Variants in PCDHA4 observed in about 807,000 individuals in gnomAD.
PCDHA4 encodes protocadherin alpha-4.
Under a neutral mutation model 61.4 loss-of-function variants are expected in PCDHA4, and 49 were observed. The ratio of observed to expected loss-of-function variants is 0.80; its 90% CI spans 0.63 to 1.01. The LOEUF (loss-of-function observed/expected upper bound fraction) is 1.01. Among genes scored for constraint, PCDHA4 ranks in the 50% least tolerant of loss-of-function variants. The pLI is 0.00. For synonymous variants in PCDHA4, 590 were observed against 550.3 expected, an observed-to-expected ratio of 1.07 and a Z score of -1.01; for missense variants, 1,254 against 1,235.8, an observed-to-expected ratio of 1.01 and a Z score of -0.22.
intron 1 of PCDHA4, among the ~76,000 whole-genome samples, chr5:140,827,126 A>G (rs1769190900): frequency 6.6e-6 from 1 of 152,226 alleles, no homozygotes; most frequent in Admixed American, 6.5e-5. Flanking sequence ...TGACAATTAG[A>G]AACATAGAAA....
chr5:140,953,837 C>T (rs1585533226), intron 1 of PCDHA4, among the ~76,000 whole-genome samples: 1 of 151,614 alleles, frequency 6.6e-6, no homozygotes, highest in African/African-American at 2.4e-5. Flanking sequence ...GGTTTGTTAC[C>T]CAGGTAAACA....
At chr5:140,990,107 A>C (rs1359747896) in intron 3 of PCDHA4, among the ~76,000 whole-genome samples, 1 of 152,044 alleles carries the variant, frequency 6.6e-6, no homozygotes, top group East Asian at 1.9e-4. Context: ...TGAAACAGGA[A>C]ATTGAGAGCT....
intron 3 of PCDHA4, among the ~76,000 whole-genome samples, chr5:141,004,289 CAG>C (rs1383902638): frequency 1.3e-5 from 2 of 152,130 alleles, no homozygotes; most frequent in Non-Finnish European, 2.9e-5. Context: ...GCTGAGCTCT[CAG>C]AGATGTTTGT....
chr5:140,834,708 A>G lies in PCDHA4; in HGVS notation c.2385+25136A>G. ...GGAGTGCAGCATCCACCTGGAGGTG[A>G]TCGTGGAAAGGCCGCTGCAGGTTTT... On this transcript the variant is annotated intron_variant, in intron 1 of 3. Coordinates refer to ENST00000530339, the MANE Select transcript of PCDHA4 (RefSeq NM_018907.4). The G allele has an allele frequency of 2.5e-6, 4 of 1,614,234 alleles. No individual in the cohort carries two copies. In the South Asian group the frequency reaches 3.3e-5, roughly 13 times the overall value.
Position 140,907,813 on chromosome 5 carries a change from G to A in PCDHA4, c.2386-71136G>A, listed in dbSNP as rs192249919. On this transcript the variant is annotated intron_variant, in intron 1 of 3. Coordinates refer to ENST00000530339, the MANE Select transcript of PCDHA4 (RefSeq NM_018907.4). ...AGAGGCTAAGTGGTGTCCACAGAACGAGTCATCCTATCCACTTGTTTATTA... is the reference window on the plus strand; with the variant it reads ...AGAGGCTAAGTGGTGTCCACAGAACAAGTCATCCTATCCACTTGTTTATTA... Among the ~76,000 whole-genome samples the A allele has an allele frequency of 2.7e-3, 406 of 152,332 alleles. 1 individual carries two copies. The highest frequency in any genetic ancestry group is 9.3e-3 in the African/African-American group (387 of 41,574).
At chr5:140,846,129 T>C (rs1780211983) in intron 1 of PCDHA4, among the ~76,000 whole-genome samples, 1 of 149,730 alleles carries the variant, frequency 6.7e-6, no homozygotes, top group South Asian at 2.1e-4. Context: ...GATAGTTGTA[T>C]GTTTCCCATA....
chr5:140,850,762 A>T, intron 1 of PCDHA4: 1 of 1,598,020 alleles, frequency 6.3e-7, no homozygotes, highest in South Asian at 1.1e-5. Context: ...CAGAGGAGGC[A>T]GAGGGTGTGC....
intron 1 of PCDHA4, among the ~76,000 whole-genome samples, chr5:140,840,453 A>C (rs1554137802): frequency 1.3e-5 from 2 of 152,010 alleles, no homozygotes; most frequent in African/African-American, 4.8e-5. Flanking sequence ...GAAACGTTAA[A>C]TAAAAAGTTG....
At chr5:140,837,994 CT>C (rs2150281652) in intron 1 of PCDHA4, among the ~76,000 whole-genome samples, 1 of 150,612 alleles carries the variant, frequency 6.6e-6, no homozygotes, top group Non-Finnish European at 1.5e-5. Flanking sequence ...TTCATCTTTC[CT>C]TTTTTTTAAA....
intron 1 of PCDHA4, among the ~76,000 whole-genome samples, chr5:140,907,796 A>AG (rs2073616997): frequency 6.6e-6 from 1 of 152,214 alleles, no homozygotes; most frequent in African/African-American, 2.4e-5. Flanking sequence ...AAAGAGGCTA[A>AG]GTGGTGTCCA....
At position 140,969,313 on chromosome 5, in the gene PCDHA4, G is replaced by A. The variant is rs2096317901; in HGVS notation, c.2386-9636G>A. 3.7e-6 allele frequency: 6 copies of A among 1,614,160 alleles called. No homozygotes were observed. In the East Asian group the frequency reaches 8.9e-5, roughly 24 times the overall value. ...GGAACCTGATTATTCTCAAAAATGAGGCTGTTTCTCAAAATGAGGTGAGAC... is the reference window on the plus strand; with the variant it reads ...GGAACCTGATTATTCTCAAAAATGAAGCTGTTTCTCAAAATGAGGTGAGAC... On this transcript the variant is annotated intron_variant, in intron 1 of 3. Coordinates refer to ENST00000530339, the MANE Select transcript of PCDHA4 (RefSeq NM_018907.4).
rs782516685 is a variant in PCDHA4, at chr5:140,883,846, G to T, written c.2385+74274G>T. ...ACGCGCTGCAGCCGTTGGACCACGAGGAGCTGGAGCTGTTGCAGTTCCAGG... is the reference window on the plus strand; with the variant it reads ...ACGCGCTGCAGCCGTTGGACCACGATGAGCTGGAGCTGTTGCAGTTCCAGG... On this transcript the variant is annotated intron_variant, in intron 1 of 3. Coordinates refer to ENST00000530339, the MANE Select transcript of PCDHA4 (RefSeq NM_018907.4). 7 of 1,612,790 alleles carry T rather than the reference G, an allele frequency of 4.3e-6. No individual in the cohort carries two copies. In the East Asian group the frequency reaches 1.3e-4, roughly 31 times the overall value.
intron 1 of PCDHA4, chr5:140,871,181 T>C (rs782405877): frequency 6.2e-7 from 1 of 1,613,552 alleles, no homozygotes; most frequent in Admixed American, 1.7e-5. Flanking sequence ...GCTGCGCTGG[T>C]GGATGTCAAC....
chr5:140,967,495 C>G, intron 1 of PCDHA4: 1 of 1,613,306 alleles, frequency 6.2e-7, no homozygotes. Flanking sequence ...CGGCACAGAT[C>G]TCTGTGCGTG....
intron 1 of PCDHA4, among the ~76,000 whole-genome samples, chr5:140,955,368 G>C (rs1554221882): frequency 6.6e-6 from 1 of 152,122 alleles, no homozygotes; most frequent in Admixed American, 6.5e-5. Flanking sequence ...CCCAGTGGGA[G>C]GTAATTGAAT....
At chr5:140,869,532 G>A (rs917843661) in intron 1 of PCDHA4, 3 of 1,614,130 alleles carry the variant, frequency 1.9e-6, no homozygotes, top group Non-Finnish European at 1.7e-6. Flanking sequence ...TGCTGATTGC[G>A]GAATCTAAGC....
chr5:140,940,790 A>G (rs1337945408), intron 1 of PCDHA4, among the ~76,000 whole-genome samples: 3 of 152,176 alleles, frequency 2.0e-5, no homozygotes, highest in African/African-American at 7.2e-5. Context: ...TATCCTGAAA[A>G]TGATATTTGC....
intron 1 of PCDHA4, among the ~76,000 whole-genome samples, chr5:140,900,805 G>C (rs1554189444): frequency 6.6e-6 from 1 of 152,118 alleles, no homozygotes; most frequent in Non-Finnish European, 1.5e-5. Context: ...CATAGTGCTT[G>C]TACTAATTTA....
chr5:141,010,535 C>G lies in PCDHA4; in HGVS notation c.*598C>G, dbSNP rs1423355739. 1 of 386,620 alleles carries G rather than the reference C, an allele frequency of 2.6e-6. No homozygotes were observed. Among genetic ancestry groups the G allele is most frequent in the African/African-American group, 2.0e-5 (1 of 48,880 alleles). 23.9% of individuals were successfully genotyped at this position (386,620 alleles called of 1,614,324 possible). On this transcript the variant is annotated 3_prime_UTR_variant, in exon 4 of 4. Coordinates refer to ENST00000530339, the MANE Select transcript of PCDHA4 (RefSeq NM_018907.4). ...CAACTCAAGAGGTGGCAGCCACCCT[C>G]TAGGAGACAAAACTACCCCCACTGA...
Sources: gnomAD v4.1 joint callset for allele counts (sites outside exome capture counted in the v4.1 genomes callset) on GRCh38, gnomAD v4.1.1 for gene constraint, MANE v1.5 for transcripts, NCBI Gene and HGNC (gene_info 2026-07-23, HGNC 2026-07-21) for gene names.